Variants in ELF1 observed in about 807,000 individuals in gnomAD.
ELF1 encodes the protein ETS-related transcription factor Elf-1.
Under a neutral mutation model 59.9 loss-of-function variants are expected in ELF1, and 24 were observed. The observed-to-expected ratio is 0.40, with a 90% confidence interval of 0.29 to 0.56. The LOEUF is 0.56. ELF1 is among the 20% of genes least tolerant of loss of function. The pLI, the probability that ELF1 is intolerant of heterozygous loss-of-function variation, is 0.44. For synonymous variants in ELF1, 248 were observed against 266.2 expected (o/e 0.93, Z 0.67); for missense variants, 627 against 742.2 (o/e 0.84, Z 1.80).
intron 1 of ELF1, among the ~76,000 whole-genome samples, chr13:41,046,876 G>A (rs1006644632): frequency 1.3e-5 from 2 of 152,204 alleles, no homozygotes; most frequent in African/African-American, 4.8e-5. Context: ...ATCCTGAAGA[G>A]TGTTTTCCAA....
rs1875918061 is a variant in ELF1, at chr13:41,026,454, A to C, written c.-229+34384T>G. 2.0e-5 allele frequency among the ~76,000 whole-genome samples: 3 copies of C among 152,194 alleles called. No individual in the cohort carries two copies. In the South Asian group the frequency reaches 6.2e-4, roughly 31 times the overall value. On this transcript the variant is annotated intron_variant, in intron 1 of 1. Coordinates refer to the ELF1 transcript ENST00000405737. ...GAAGGCTCTGTAACAAATCTGTAAC[A>C]AATCTGCTCTGCAAGCTGCTCTGCC...
intron 6 of ELF1, 47 bp from the exon 7 acceptor site, chr13:40,943,191 A>G: frequency 7.0e-7 from 1 of 1,429,832 alleles, no homozygotes; most frequent in Non-Finnish European, 9.3e-7. Flanking sequence ...TTTCATTTAA[A>G]AGAACCTCAA....
intron 8 of ELF1, among the ~76,000 whole-genome samples, chr13:40,936,176 GAA>G (rs1869757797): frequency 6.6e-6 from 1 of 152,124 alleles, no homozygotes; most frequent in South Asian, 2.1e-4. Context: ...AGTTAGAGAA[GAA>G]GAGAGGCCAT....
At position 40,975,226 on chromosome 13, in the gene ELF1, T is replaced by C. The variant is rs549546170; in HGVS notation, c.72+6757A>G. 2.0e-5 allele frequency among the ~76,000 whole-genome samples: 3 copies of C among 152,330 alleles called. No individual in the cohort carries two copies. In the East Asian group the frequency reaches 5.8e-4, roughly 29 times the overall value. ...ACATTAAACACTATCAACTCATTCC[T>C]TCTACCTTACTTTATGAGGTACACC... On this transcript the variant is annotated intron_variant, in intron 2 of 8. Coordinates refer to ENST00000239882, the MANE Select transcript of ELF1 (RefSeq NM_172373.4).
At chr13:40,954,969 C>A (rs1252553900) in intron 3 of ELF1, among the ~76,000 whole-genome samples, 5 of 145,698 alleles carry the variant, frequency 3.4e-5, no homozygotes, top group Non-Finnish European at 7.6e-5. Context: ...TGAGGAGCGT[C>A]TCTGCCCGGC....
intron 1 of ELF1, among the ~76,000 whole-genome samples, chr13:41,039,497 G>A (rs1261899484): frequency 2.0e-5 from 3 of 152,172 alleles, no homozygotes; most frequent in East Asian, 1.9e-4. Context: ...CAGTTAAGAC[G>A]ATACAATACA....
At chr13:40,948,875 C>T (rs1316697880) in intron 5 of ELF1, among the ~76,000 whole-genome samples, 1 of 152,178 alleles carries the variant, frequency 6.6e-6, no homozygotes, top group Non-Finnish European at 1.5e-5. Context: ...GCTGACTAGA[C>T]CTTACCCAAG....
chr13:40,974,947 A>G (rs1435407348), intron 2 of ELF1, among the ~76,000 whole-genome samples: 2 of 152,246 alleles, frequency 1.3e-5, no homozygotes, highest in Non-Finnish European at 2.9e-5. Flanking sequence ...ACTCTAAGAC[A>G]TAACTCCTTT....
intron 3 of ELF1, among the ~76,000 whole-genome samples, chr13:40,956,987 C>T (rs542144331): frequency 4.1e-4 from 60 of 147,406 alleles, no homozygotes; most frequent in African/African-American, 1.4e-3. Flanking sequence ...CCACTGTGCC[C>T]AGCCTATTAC....
intron 5 of ELF1, among the ~76,000 whole-genome samples, chr13:40,944,833 T>C (rs960367073): frequency 5.9e-5 from 9 of 151,700 alleles, no homozygotes; most frequent in South Asian, 4.1e-4. Context: ...CAGGTAAATA[T>C]AACACAGGGC....
chr13:40,967,983 T>C (rs1054355214), intron 2 of ELF1, among the ~76,000 whole-genome samples: 1 of 152,230 alleles, frequency 6.6e-6, no homozygotes, highest in Non-Finnish European at 1.5e-5. Flanking sequence ...TTTTGTTTTA[T>C]TTTTAATGAG....
intron 2 of ELF1, among the ~76,000 whole-genome samples, chr13:40,968,050 C>T (rs1034905640): frequency 2.6e-5 from 4 of 152,180 alleles, no homozygotes; most frequent in African/African-American, 9.7e-5. Flanking sequence ...TTAGCAACAA[C>T]ATTTAGCTTC....
chr13:40,991,874 T>C (rs1415405099), intron 1 of ELF1, among the ~76,000 whole-genome samples: 1 of 152,160 alleles, frequency 6.6e-6, no homozygotes, highest in African/African-American at 2.4e-5. Flanking sequence ...TTCTATAGAT[T>C]TGAGGTGATG....
chr13:40,978,138 G>C (rs923398011), intron 2 of ELF1, among the ~76,000 whole-genome samples: 3 of 152,130 alleles, frequency 2.0e-5, no homozygotes, highest in African/African-American at 4.8e-5. Context: ...CCAGCACTTT[G>C]GGAGGCCGAG....
intron 1 of ELF1, among the ~76,000 whole-genome samples, chr13:41,025,402 A>G (rs1055991541): frequency 1.3e-5 from 2 of 152,226 alleles, no homozygotes; most frequent in Non-Finnish European, 2.9e-5. Context: ...GCAGAACTGA[A>G]AGAGACCTTA....
rs1302767056 is a variant in ELF1 at position 40,954,798 on chromosome 13, C to A, written c.254-3362G>T. 7.2e-4 allele frequency among the ~76,000 whole-genome samples: 108 copies of A among 149,566 alleles called. 1 individual carries two copies. The highest frequency in any genetic ancestry group is 1.4e-3 in the Non-Finnish European group (92 of 66,978). On this transcript the variant is annotated intron_variant, in intron 3 of 8. Coordinates refer to ENST00000239882, the MANE Select transcript of ELF1 (RefSeq NM_172373.4). ...GCAGTGGCGTGATCTCGGCTCGCTA[C>A]AACCTCCACTTCCCAGCTGCCTGCC...
intron 5 of ELF1, 39 bp from the exon 6 acceptor site, chr13:40,943,964 A>G (rs1411084667): frequency 6.3e-7 from 1 of 1,583,166 alleles, no homozygotes; most frequent in Non-Finnish European, 8.6e-7. Flanking sequence ...TTTGCCTTCA[A>G]AAGTGAGAGA....
intron 2 of ELF1, 127 bp downstream of exon 2, chr13:40,981,856 A>T: frequency 9.3e-7 from 1 of 1,073,036 alleles, no homozygotes; most frequent in Non-Finnish European, 1.3e-6. Context: ...TCCTCCAAAT[A>T]TTTCATCTAT....
chr13:40,984,089 T>C, intron 1 of ELF1, among the ~76,000 whole-genome samples: 1 of 152,200 alleles, frequency 6.6e-6, no homozygotes, highest in East Asian at 1.9e-4. Flanking sequence ...GTCCCCTTAA[T>C]TCAACTGAAT....
Sources: allele counts gnomAD v4.1 joint callset (sites outside exome capture counted in the v4.1 genomes callset), GRCh38; gene constraint gnomAD v4.1.1; transcripts MANE v1.5; gene names NCBI Gene and HGNC (gene_info 2026-07-23, HGNC 2026-07-21).